The following KLRG1 variants were observed in gnomAD, a reference collection of about 807,000 sequenced individuals.
KLRG1 encodes the protein killer cell lectin like receptor G1.
KLRG1 carries 16 observed loss-of-function variants against 21.8 expected under a neutral mutation model. The ratio of observed to expected loss-of-function variants is 0.73; its 90% CI spans 0.50 to 1.11. KLRG1 has a LOEUF of 1.11. Ranked by LOEUF, KLRG1 falls within the 50% of genes most tolerant of loss-of-function variation. The pLI, the probability that KLRG1 is intolerant of heterozygous loss-of-function variation, is 0.00. For synonymous variants in KLRG1, 69 were observed against 75.9 expected (o/e 0.91, Z 0.47); for missense variants, 173 against 218.3 (o/e 0.79, Z 1.31).
chr12:8,962,603 C>T (rs773248593), intron 1 of KLRG1, among the ~76,000 whole-genome samples: 1 of 151,534 alleles, frequency 6.6e-6, no homozygotes, highest in African/African-American at 2.4e-5. Context: ...ATAGTCCCAG[C>T]TACTCAGGGT....
chr12:9,091,531 A>C, the KLRG1 span: 5 of 1,198,082 alleles, frequency 4.2e-6, no homozygotes, highest in Non-Finnish European at 5.9e-6. Context: ...ACTTAAAAAC[A>C]CTCAATAGAA....
At chr12:9,019,809 C>A in the KLRG1 span, among the ~76,000 whole-genome samples, 1 of 152,072 alleles carries the variant, frequency 6.6e-6, no homozygotes, top group East Asian at 1.9e-4. Context: ...TGGTCTGGAA[C>A]TCCTGGGCTT....
the KLRG1 span, among the ~76,000 whole-genome samples, chr12:9,130,902 G>C: frequency 6.6e-6 from 1 of 151,872 alleles, no homozygotes; most frequent in Non-Finnish European, 1.5e-5. Context: ...TATCCTGTCT[G>C]TTTTCTTCTA....
At chr12:9,060,895 A>G in the KLRG1 span, among the ~76,000 whole-genome samples, 1 of 152,212 alleles carries the variant, frequency 6.6e-6, no homozygotes, top group South Asian at 2.1e-4. Context: ...AAGAGACAGT[A>G]TATTTATATT....
At chr12:9,206,322 T>C in the KLRG1 span, among the ~76,000 whole-genome samples, 1 of 152,090 alleles carries the variant, frequency 6.6e-6, no homozygotes, top group East Asian at 1.9e-4. Context: ...CGATTAAAAA[T>C]TAATTCCACA....
chr12:9,124,660 C>A, the KLRG1 span, among the ~76,000 whole-genome samples: 1 of 152,200 alleles, frequency 6.6e-6, no homozygotes, highest in Non-Finnish European at 1.5e-5. Context: ...CCTCGAGAGC[C>A]GGGAAGACCC....
At chr12:9,077,351 C>T in the KLRG1 span, 9 of 1,612,988 alleles carry the variant, frequency 5.6e-6, no homozygotes, top group Admixed American at 1.7e-5. Flanking sequence ...CCTACAGTGA[C>T]TGTGAGAGGA....
chr12:9,188,109 G>A, the KLRG1 span, among the ~76,000 whole-genome samples: 17 of 152,272 alleles, frequency 1.1e-4, no homozygotes, highest in African/African-American at 2.4e-4. Context: ...GATGAACATT[G>A]ATGCGAAAAT....
the KLRG1 span, among the ~76,000 whole-genome samples, chr12:9,050,528 C>T: frequency 1.8e-4 from 28 of 152,338 alleles, no homozygotes; most frequent in East Asian, 5.4e-3. Flanking sequence ...CAGACCCAGG[C>T]TTCCTGCTCT....
intron 1 of KLRG1, among the ~76,000 whole-genome samples, chr12:8,972,947 C>T (rs1274698579): frequency 6.6e-6 from 1 of 151,968 alleles, no homozygotes; most frequent in Non-Finnish European, 1.5e-5. Context: ...TCGAGACCAG[C>T]CTGGGCAACA....
the KLRG1 span, among the ~76,000 whole-genome samples, chr12:9,176,273 A>G: frequency 5.3e-5 from 8 of 152,008 alleles, no homozygotes; most frequent in African/African-American, 9.7e-5. Context: ...TACATGGGGG[A>G]ACAACACTCA....
intron 1 of KLRG1, among the ~76,000 whole-genome samples, chr12:8,978,772 T>G (rs1340370543): frequency 1.4e-5 from 2 of 140,058 alleles, no homozygotes; most frequent in African/African-American, 5.3e-5. Context: ...TGGAGTGCAG[T>G]GGCACATTCC....
At chr12:9,057,411 A>C in the KLRG1 span, among the ~76,000 whole-genome samples, 2 of 152,150 alleles carry the variant, frequency 1.3e-5, no homozygotes, top group Non-Finnish European at 2.9e-5. Context: ...AATGGGTACA[A>C]TGTACTCTAA....
chr12:9,119,509 T>C, the KLRG1 span, among the ~76,000 whole-genome samples: 2 of 152,010 alleles, frequency 1.3e-5, no homozygotes, highest in African/African-American at 4.8e-5. Context: ...TGATGGGGAA[T>C]GTGAGGAACT....
chr12:9,168,888 T>C, the KLRG1 span: 1 of 1,613,820 alleles, frequency 6.2e-7, no homozygotes, highest in Non-Finnish European at 8.5e-7. Flanking sequence ...ATCCTTGACC[T>C]ACTGCTCCTG....
the KLRG1 span, chr12:9,197,040 T>G: frequency 6.2e-7 from 1 of 1,613,486 alleles, no homozygotes; most frequent in Non-Finnish European, 8.5e-7. Context: ...ACAGACCTCC[T>G]GCTTGTCACA....
chr12:9,163,296 C>A, the KLRG1 span, among the ~76,000 whole-genome samples: 34 of 134,390 alleles, frequency 2.5e-4, no homozygotes, highest in East Asian at 4.4e-4. Flanking sequence ...ACTAAAAATA[C>A]AAAAAAAAAA....
At chr12:9,027,555 C>G in the KLRG1 span, 1 of 1,065,686 alleles carries the variant, frequency 9.4e-7, no homozygotes, top group Middle Eastern at 2.8e-4. Flanking sequence ...GCCATAGCTG[C>G]TGCTGCTACT....
the KLRG1 span, among the ~76,000 whole-genome samples, chr12:9,131,651 C>T: frequency 0.39 from 59,350 of 151,610 alleles, 12,013 homozygotes; most frequent in African/African-American, 0.44. Flanking sequence ...GTACCTAGCA[C>T]GCACTGTGTA....
Sources: allele counts gnomAD v4.1 joint callset (sites outside exome capture counted in the v4.1 genomes callset), GRCh38; gene constraint gnomAD v4.1.1; transcripts MANE v1.5; gene names NCBI Gene and HGNC (gene_info 2026-07-23, HGNC 2026-07-21).